CCDC163: variants seen among roughly 807,000 people sequenced by gnomAD.
CCDC163 encodes transmembrane protein CCDC163.
In CCDC163, 13 loss-of-function variants were observed where a neutral mutation model predicts 8.2. The ratio of observed to expected loss-of-function variants is 1.59; its 90% CI spans 1.04 to 2.54. The LOEUF (loss-of-function observed/expected upper bound fraction) is 2.54, where lower values mean the gene tolerates loss of function less well. Ranked by LOEUF, CCDC163 falls within the 30% of genes most tolerant of loss-of-function variation. CCDC163 has a pLI of 0.00. For synonymous variants in CCDC163, 41 were observed against 30.9 expected, an observed-to-expected ratio of 1.33 and a Z score of -1.08; for missense variants, 117 against 78.6, an observed-to-expected ratio of 1.49 and a Z score of -1.85.
At position 45,497,206 on chromosome 1, in the gene CCDC163, TA is replaced by T. The variant is rs2149316305; in HGVS notation, c.262+92del. 3 of 622,294 alleles carry T rather than the reference TA, an allele frequency of 4.8e-6. No individual in the cohort carries two copies. In the East Asian group the frequency reaches 8.6e-5, roughly 18 times the overall value. 38.5% of individuals were successfully genotyped at this position (622,294 alleles called of 1,614,324 possible). ...GAGCAAGACTCCATCTCAAAAAGAATAAAAATAAATAAAAATAAATAAAAGA... is the reference window on the plus strand; with the variant it reads ...GAGCAAGACTCCATCTCAAAAAGAATAAAATAAATAAAAATAAATAAAAGA... On this transcript the variant is annotated intron_variant, in intron 3 of 4. Coordinates refer to ENST00000629482, the MANE Select transcript of CCDC163 (RefSeq NM_001102601.3).
At chr1:45,499,510 G>C (rs756425361) in intron 1 of CCDC163, 22 bp downstream of exon 1, 26 of 778,048 alleles carry the variant, frequency 3.3e-5, no homozygotes, top group Non-Finnish European at 6.2e-5. Context: ...ACGCAAACTG[G>C]GGACCTCCAC....
At chr1:45,495,544 T>A in intron 4 of CCDC163, 1 of 702,594 alleles carries the variant, frequency 1.4e-6, no homozygotes, top group Non-Finnish European at 2.6e-6. Flanking sequence ...TGAATGGAGA[T>A]CCTGGAAAGG....
At position 45,494,617 on chromosome 1, in the gene CCDC163, G is replaced by A. The variant is rs954095891; in HGVS notation, c.*442C>T. 7 of 208,300 alleles carry A rather than the reference G, an allele frequency of 3.4e-5. No individual in the cohort carries two copies. The East Asian group carries it at 7.3e-4, about 22-fold the overall frequency. 12.9% of individuals were successfully genotyped at this position (208,300 alleles called of 1,614,324 possible). ...CCTACCTCATTCTACTCACCAGAAT[G>A]GGAACTCCCATTACTTTCCAAGTTC... is the stretch of plus-strand genomic sequence containing the variant. On this transcript the variant is annotated 3_prime_UTR_variant, in exon 5 of 5. Transcript: ENST00000629482.
At chr1:45,499,464 C>CAG (rs1557602511) in intron 1 of CCDC163, 21 bp from the exon 2 acceptor site, 4 of 777,998 alleles carry the variant, frequency 5.1e-6, no homozygotes, top group Non-Finnish European at 9.6e-6. Context: ...AACAGATGCA[C>CAG]AGGCCAATGA....
At chr1:45,496,951 A>C (rs1187276192) in intron 3 of CCDC163, among the ~76,000 whole-genome samples, 7 of 152,232 alleles carry the variant, frequency 4.6e-5, no homozygotes, top group Admixed American at 4.6e-4. Context: ...ATCTGAGGTC[A>C]GGAGTTCGAG....
rs939503954 is a variant in CCDC163, at chr1:45,496,621, G to A, written c.265C>T (p.Gln89Ter). ...ELKLLQYQLS[Q>*]HQELLLKQLA... is the part of the protein sequence containing the mutation. The stretch of plus-strand genomic sequence containing the variant: ...TGTTTCAGCAGCAGCTCCTGGTGCT[G>A]GCCTGCAGATGAGAGAGAATGTAAG... The change falls in exon 4 of 5, where the codon CAG (glutamine) becomes TAG (stop). Residue 89 changes from glutamine (Q) to a stop codon, truncating the protein, a stop_gained and splice_region_variant. Transcript: ENST00000629482. LOFTEE classifies it high-confidence loss of function. The A allele has an allele frequency of 1.3e-5, 10 of 779,604 alleles. No individual in the cohort carries two copies. Among genetic ancestry groups the A allele is most frequent in the Non-Finnish European group, 9.6e-6 (4 of 417,592 alleles). The allele number at this position is 779,604 out of a possible 1,614,324, so 48.3% of individuals were successfully genotyped here. A position where few individuals can be genotyped will look rare whatever the true frequency, so the allele number is the denominator to read the frequency against.
At position 45,494,667 on chromosome 1, in the gene CCDC163, C is replaced by T. The variant is rs937825814; in HGVS notation, c.*392G>A. On this transcript the variant is annotated 3_prime_UTR_variant, in exon 5 of 5. Transcript: ENST00000629482. Reference sequence around the variant, plus strand: ...CAACTGAGCTTGCACTCAGAAGGTACAGCTATAGGCTGGGCATGGTGGCTC... The same window carrying T: ...CAACTGAGCTTGCACTCAGAAGGTATAGCTATAGGCTGGGCATGGTGGCTC... The T allele has an allele frequency of 1.3e-5, 3 of 238,418 alleles. No homozygotes were observed. Among genetic ancestry groups the T allele is most frequent in the East Asian group, 9.2e-5 (1 of 10,882 alleles). The allele number at this position is 238,418 out of a possible 1,614,324, so 14.8% of individuals were successfully genotyped here.
rs201765386 is a variant in CCDC163, at chr1:45,499,342, T to TA, written c.177+2dup. ...CTTGGAAGTAGAAAGAGACATTACT[T>TA]ACCTGCGGTGGAGACCCCAAGAAGA... On this transcript the variant is annotated splice_region_variant and intron_variant, in intron 2 of 4. Coordinates refer to ENST00000629482, the MANE Select transcript of CCDC163 (RefSeq NM_001102601.3). The TA allele has an allele frequency of 1.1e-3, 879 of 773,996 alleles. 8 individuals are homozygous for TA. The East Asian group carries it at 0.02, about 18-fold the overall frequency. The allele number at this position is 773,996 out of a possible 1,614,324, so 47.9% of individuals were successfully genotyped here. A position where few individuals can be genotyped will look rare whatever the true frequency, so the allele number is the denominator to read the frequency against.
intron 4 of CCDC163, 114 bp downstream of exon 4, chr1:45,496,442 A>G (rs1363704675): frequency 1.4e-6 from 1 of 707,500 alleles, no homozygotes; most frequent in South Asian, 1.5e-5. Context: ...GAAGAGAGGA[A>G]TGAAGACAGG....
chr1:45,497,426 T>C (rs1353842826), intron 2 of CCDC163, 43 bp from the exon 3 acceptor site: 1 of 767,086 alleles, frequency 1.3e-6, no homozygotes, highest in South Asian at 1.4e-5. Context: ...GCAAGTAGAG[T>C]ATCTAGGGTC....
At chr1:45,496,362 A>C (rs1654132810) in intron 4 of CCDC163, 194 bp downstream of exon 4, 1 of 686,244 alleles carries the variant, frequency 1.5e-6, no homozygotes, top group Non-Finnish European at 2.7e-6. Flanking sequence ...GTCGGCAAGG[A>C]TAGTTTCTCA....
At chr1:45,495,577 A>G in intron 4 of CCDC163, 1 of 701,394 alleles carries the variant, frequency 1.4e-6, no homozygotes, top group Non-Finnish European at 2.6e-6. Context: ...GAAACAGAGA[A>G]GATAATGATG....
chr1:45,499,118 G>A (rs1354233006), intron 2 of CCDC163, among the ~76,000 whole-genome samples: 1 of 152,204 alleles, frequency 6.6e-6, no homozygotes, highest in African/African-American at 2.4e-5. Flanking sequence ...GCCCAAGGCT[G>A]TTGAGCTTGG....
At chr1:45,495,352 G>A (rs144938440) in intron 4 of CCDC163, 186 bp from the exon 5 acceptor site, 48 of 702,636 alleles carry the variant, frequency 6.8e-5, no homozygotes, top group Middle Eastern at 4.6e-4. Context: ...TAATTAGGCA[G>A]CTGGCATTCA....
rs1319754198 is a variant in CCDC163 at position 45,494,748 on chromosome 1, G to T, written c.*311C>A. On this transcript the variant is annotated 3_prime_UTR_variant, in exon 5 of 5. Transcript: ENST00000629482. ...GAGGCGGGCAGATCACTTGAGGTCA[G>T]AAGTTCAAGACCAGACTGGCCAACA... The T allele has an allele frequency of 6.0e-5, 19 of 318,470 alleles. No homozygotes were observed. The highest frequency in any genetic ancestry group is 7.9e-5 in the Non-Finnish European group (13 of 164,498). 19.7% of individuals were successfully genotyped at this position (318,470 alleles called of 1,614,324 possible).
rs1643492842 is a variant in CCDC163, at chr1:45,499,829, C to T, written c.-220G>A. The stretch of plus-strand genomic sequence containing the variant: ...CGCTCTTGGGGAACTGGGGGAAAAG[C>T]GGGATACCGTGATGATACGCAGATA... On this transcript the variant is annotated 5_prime_UTR_variant, in exon 1 of 5. Transcript: ENST00000629482. The T allele has an allele frequency of 3.5e-6, 2 of 578,386 alleles. No homozygotes were observed. The highest frequency in any genetic ancestry group is 4.0e-5 in the South Asian group (2 of 50,196). 35.8% of individuals were successfully genotyped at this position (578,386 alleles called of 1,614,324 possible).
Position 45,499,701 on chromosome 1 carries a change from GCC to G in CCDC163, c.-94_-93del. ...GATACCCAAGGTATCCCCAGGAAAG[GCC>G]ACCACGTTAGATGGAAAGAGGGAAG... On this transcript the variant is annotated 5_prime_UTR_variant, in exon 1 of 5. Transcript: ENST00000629482. The G allele has an allele frequency of 1.4e-6, 1 of 690,120 alleles. No homozygotes were observed. Among genetic ancestry groups the G allele is most frequent in the Non-Finnish European group, 2.7e-6 (1 of 372,876 alleles). The allele number at this position is 690,120 out of a possible 1,614,324, so 42.7% of individuals were successfully genotyped here.
intron 4 of CCDC163, 48 bp downstream of exon 4, chr1:45,496,508 G>C (rs752778916): frequency 1.3e-6 from 1 of 769,182 alleles, no homozygotes; most frequent in South Asian, 1.4e-5. Flanking sequence ...AGAAAGGAAA[G>C]GTCCTCCATA....
At chr1:45,498,676 A>C (rs1643440568) in intron 2 of CCDC163, 1 of 154,258 alleles carries the variant, frequency 6.5e-6, no homozygotes, top group South Asian at 2.0e-4. Flanking sequence ...ATCCTCTCTA[A>C]GAGTTTCACA....
Sources: allele counts gnomAD v4.1 joint callset (sites outside exome capture counted in the v4.1 genomes callset), GRCh38; gene constraint gnomAD v4.1.1; transcripts MANE v1.5; gene names NCBI Gene and HGNC (gene_info 2026-07-23, HGNC 2026-07-21).